PSD3: variants seen among roughly 807,000 people sequenced by gnomAD.
PSD3 encodes the protein pleckstrin and Sec7 domain containing 3, also known as PH and SEC7 domain-containing protein 3.
PSD3 carries 49 observed loss-of-function variants against 105.5 expected under a neutral mutation model. The observed-to-expected ratio is 0.46, with a 90% CI of 0.37 to 0.59. The LOEUF is 0.59. PSD3 is among the 20% of genes least tolerant of loss of function. The pLI is 0.00. For synonymous variants in PSD3, 557 were observed against 457.8 expected, an observed-to-expected ratio of 1.22 and a Z score of -2.77; for missense variants, 1,561 against 1,263.8, an observed-to-expected ratio of 1.24 and a Z score of -3.57.
At chr8:18,654,724 C>A (rs1220580258) in intron 10 of PSD3, among the ~76,000 whole-genome samples, 1 of 152,146 alleles carries the variant, frequency 6.6e-6, no homozygotes, top group Middle Eastern at 3.2e-3. Flanking sequence ...TGATAACACA[C>A]ATTGGCATTG....
intron 9 of PSD3, among the ~76,000 whole-genome samples, chr8:18,676,583 T>C (rs755874451): frequency 1.3e-5 from 2 of 152,084 alleles, no homozygotes; most frequent in Non-Finnish European, 2.9e-5. Flanking sequence ...CTATCCTGAG[T>C]AGGAAATGCC....
At chr8:18,572,921 T>C (rs989749011) in intron 13 of PSD3, among the ~76,000 whole-genome samples, 1 of 152,168 alleles carries the variant, frequency 6.6e-6, no homozygotes, top group African/African-American at 2.4e-5. Flanking sequence ...AGAGAAACAC[T>C]TGACAATAAA....
intron 9 of PSD3, among the ~76,000 whole-genome samples, chr8:18,726,360 C>T (rs909823457): frequency 1.3e-5 from 2 of 152,162 alleles, no homozygotes; most frequent in Admixed American, 6.5e-5. Flanking sequence ...TGTCTTTTAT[C>T]GTCTTCCACA....
At chr8:18,739,158 G>A (rs1804374172) in intron 9 of PSD3, among the ~76,000 whole-genome samples, 1 of 152,098 alleles carries the variant, frequency 6.6e-6, no homozygotes, top group South Asian at 2.1e-4. Flanking sequence ...TATATTTAAG[G>A]AAGAATATTA....
intron 4 of PSD3, among the ~76,000 whole-genome samples, chr8:18,838,329 C>G (rs913900068): frequency 6.6e-6 from 1 of 152,144 alleles, no homozygotes; most frequent in African/African-American, 2.4e-5. Flanking sequence ...GGAAAGTGAA[C>G]AAAACGGGTT....
intron 9 of PSD3, among the ~76,000 whole-genome samples, chr8:18,721,461 T>C (rs750020118): frequency 2.6e-5 from 4 of 152,188 alleles, no homozygotes; most frequent in Non-Finnish European, 5.9e-5. Context: ...TCCTTGAAGT[T>C]CTATAGCATA....
At position 18,838,168 on chromosome 8, in the gene PSD3, A is replaced by G. The variant is rs1814286114; in HGVS notation, c.1634+29506T>C. 2.0e-5 allele frequency among the ~76,000 whole-genome samples: 3 copies of G among 152,210 alleles called. No homozygotes were observed. In the South Asian group the frequency reaches 6.2e-4, roughly 32 times the overall value. On this transcript the variant is annotated intron_variant, in intron 4 of 15. Coordinates refer to ENST00000327040, the MANE Select transcript of PSD3 (RefSeq NM_015310.4). The stretch of plus-strand genomic sequence containing the variant: ...CAGCTCATACTGTATTCACCTTACA[A>G]CCCTGAGTGGGACTTTTAATTTCTA...
intron 4 of PSD3, among the ~76,000 whole-genome samples, chr8:18,812,704 G>A (rs1340875243): frequency 6.6e-6 from 1 of 152,186 alleles, no homozygotes; most frequent in Non-Finnish European, 1.5e-5. Flanking sequence ...TTTTTGATGT[G>A]TTCACCTTGA....
chr8:18,803,278 C>G (rs1810876902), intron 6 of PSD3: 1 of 92,168 alleles, frequency 1.1e-5, no homozygotes, highest in Non-Finnish European at 1.9e-5. Context: ...CAGAGCGAGA[C>G]TCTGTCTCCA....
At chr8:18,625,086 C>T (rs2129703) in intron 11 of PSD3, among the ~76,000 whole-genome samples, 14,719 of 151,952 alleles carry the variant, frequency 0.097, 1,005 homozygotes, top group East Asian at 0.19. Flanking sequence ...CATGAAGTTA[C>T]TGTCCCACAT....
intron 1 of PSD3, chr8:18,940,189 A>C (rs769301133): frequency 2.0e-5 from 3 of 152,158 alleles, no homozygotes; most frequent in Non-Finnish European, 4.4e-5. Context: ...ACAATTTTTC[A>C]GGTGATGCTG....
At chr8:18,980,178 G>GGC (rs1418985252) in intron 1 of PSD3, among the ~76,000 whole-genome samples, 36 of 152,332 alleles carry the variant, frequency 2.4e-4, no homozygotes, top group African/African-American at 8.4e-4. Context: ...AGGTATGTGA[G>GGC]TGAGACTCCA....
At chr8:18,774,700 T>C (rs1807870354) in intron 8 of PSD3, 2 of 361,448 alleles carry the variant, frequency 5.5e-6, no homozygotes. Context: ...TTCTTGCCCT[T>C]GTAGAACTTC....
At chr8:18,985,542 C>G (rs768344214) in intron 1 of PSD3, among the ~76,000 whole-genome samples, 4 of 152,160 alleles carry the variant, frequency 2.6e-5, no homozygotes, top group African/African-American at 9.7e-5. Flanking sequence ...GATTTGGGGT[C>G]TTTGCTTAAG....
At chr8:18,778,056 G>C (rs1808263928) in intron 8 of PSD3, among the ~76,000 whole-genome samples, 2 of 152,166 alleles carry the variant, frequency 1.3e-5, no homozygotes, top group Admixed American at 6.5e-5. Context: ...GATGGACACA[G>C]ATTAATTCCA....
chr8:18,543,734 C>T (rs1800281998), intron 15 of PSD3, among the ~76,000 whole-genome samples: 1 of 152,004 alleles, frequency 6.6e-6, no homozygotes, highest in Admixed American at 6.5e-5. Flanking sequence ...GTGTCTAAGA[C>T]CATGTAAACT....
chr8:18,704,324 C>A (rs1383306072), intron 9 of PSD3, among the ~76,000 whole-genome samples: 2 of 152,182 alleles, frequency 1.3e-5, no homozygotes, highest in African/African-American at 4.8e-5. Flanking sequence ...ACCTTAAACT[C>A]CGTGTATAAA....
intron 4 of PSD3, among the ~76,000 whole-genome samples, chr8:18,806,433 T>C (rs1333032327): frequency 6.6e-6 from 1 of 152,210 alleles, no homozygotes; most frequent in Non-Finnish European, 1.5e-5. Flanking sequence ...AGGGTTCTCT[T>C]GTATTTATAA....
chr8:19,050,611 T>A (rs1016457267), intron 1 of PSD3, among the ~76,000 whole-genome samples: 3 of 152,044 alleles, frequency 2.0e-5, no homozygotes, highest in Admixed American at 6.6e-5. Context: ...CCGCATATTC[T>A]CACTCATAGG....
Sources: allele counts gnomAD v4.1 joint callset (sites outside exome capture counted in the v4.1 genomes callset), GRCh38; gene constraint gnomAD v4.1.1; transcripts MANE v1.5; gene names NCBI Gene and HGNC (gene_info 2026-07-23, HGNC 2026-07-21).